The following BEND2 variants were observed in gnomAD, a reference collection of about 807,000 sequenced individuals.
The protein encoded by BEND2 is BEN domain-containing protein 2.
Under a neutral mutation model 43.8 loss-of-function variants are expected in BEND2, and 19 were observed. The observed-to-expected ratio is 0.43, with a 90% confidence interval of 0.30 to 0.64. The LOEUF (loss-of-function observed/expected upper bound fraction) is 0.64, where lower values mean the gene tolerates loss of function less well. BEND2 is among the 30% of genes least tolerant of loss of function. BEND2 has a pLI of 0.11. For synonymous variants in BEND2, 226 were observed against 210.1 expected (o/e 1.08, Z -0.66); for missense variants, 544 against 574.0 (o/e 0.95, Z 0.53).
chrX:18,174,279 A>G (rs1377367333), intron 11 of BEND2, 21 bp from the exon 12 acceptor site: 1 of 1,176,312 alleles, frequency 8.5e-7, no homozygotes, highest in Admixed American at 2.2e-5. Flanking sequence ...ACAAAATCAT[A>G]TCCGTAAACA....
At chrX:18,170,794 A>T (rs1923948050) in intron 13 of BEND2, 2 of 370,821 alleles carry the variant, frequency 5.4e-6, no homozygotes, top group South Asian at 2.8e-4. Context: ...AAGCCATTCA[A>T]GACAGAGCAA....
Position 18,177,558 on chromosome X carries a change from T to C in BEND2, c.1630+11A>G. The C allele has an allele frequency of 8.3e-7, 1 of 1,199,703 alleles. No homozygotes were observed. Among genetic ancestry groups the C allele is most frequent in the Non-Finnish European group, 1.1e-6 (1 of 884,771 alleles). On this transcript the variant is annotated intron_variant, in intron 10 of 13. Coordinates refer to ENST00000380033, the MANE Select transcript of BEND2 (RefSeq NM_153346.5). Reference sequence around the variant, plus strand: ...AAAATAAGATTCCATTATCACTTTATGTACACATACCTCTCAATGCAGCCA... The same window carrying C: ...AAAATAAGATTCCATTATCACTTTACGTACACATACCTCTCAATGCAGCCA...
At chrX:18,203,986 G>C in intron 4 of BEND2, 71 bp from the exon 5 acceptor site, 1 of 995,777 alleles carries the variant, frequency 1.0e-6, no homozygotes, top group Non-Finnish European at 1.3e-6. Context: ...TTCTCCATGA[G>C]ACATACAATC....
intron 1 of BEND2, among the ~76,000 whole-genome samples, chrX:18,220,251 A>T (rs1463273908): frequency 8.9e-6 from 1 of 112,433 alleles, no homozygotes; most frequent in Non-Finnish European, 1.9e-5. Context: ...GGGAAAACCA[A>T]TAAATTCAAG....
intron 1 of BEND2, 133 bp downstream of exon 1, chrX:18,220,593 C>T (rs1569130005): frequency 4.2e-6 from 4 of 945,841 alleles, no homozygotes; most frequent in Middle Eastern, 2.7e-4. Flanking sequence ...CCAGAGGCCG[C>T]CCCCCGACAC....
At position 18,163,299 on chromosome X, in the gene BEND2, C is replaced by T. The variant is rs1485520677; in HGVS notation, c.*1710G>A. ...TCAAGCCATGGGAACCACTTTTAAA[C>T]ACTTTTTTTTATAAATAAGAGGCAT... On this transcript the variant is annotated 3_prime_UTR_variant, in exon 14 of 14. Coordinates refer to ENST00000380033, the MANE Select transcript of BEND2 (RefSeq NM_153346.5). 9.0e-6 allele frequency: 1 copy of T among 111,182 alleles called. No individual in the cohort carries two copies. Among genetic ancestry groups the T allele is most frequent in the African/African-American group, 3.3e-5 (1 of 30,463 alleles). The allele number at this position is 111,182 out of a possible 1,213,427, so 9.2% of individuals were successfully genotyped here.
At chrX:18,213,419 T>C (rs887982939) in intron 3 of BEND2, among the ~76,000 whole-genome samples, 2 of 111,463 alleles carry the variant, frequency 1.8e-5, no homozygotes, top group African/African-American at 6.5e-5. Context: ...ACTTAAACCT[T>C]CCTGAGCCAG....
chrX:18,182,939 G>A (rs1924438318), intron 8 of BEND2, among the ~76,000 whole-genome samples: 1 of 107,763 alleles, frequency 9.3e-6, no homozygotes, highest in Non-Finnish European at 1.9e-5. Context: ...CTACTCAGGA[G>A]GCTGAGGTGC....
intron 8 of BEND2, among the ~76,000 whole-genome samples, chrX:18,182,885 T>C (rs1924435378): frequency 9.2e-6 from 1 of 108,782 alleles, no homozygotes; most frequent in Non-Finnish European, 1.9e-5. Context: ...CTACTAAAAA[T>C]ACAAAAATTA....
At chrX:18,203,355 T>C in intron 5 of BEND2, 146 bp downstream of exon 5, 3 of 694,651 alleles carry the variant, frequency 4.3e-6, no homozygotes, top group Non-Finnish European at 6.3e-6. Context: ...TCTCTCTGTA[T>C]TATTTCTTAC....
At position 18,212,613 on chromosome X, in the gene BEND2, G is replaced by C. The variant is rs1569127870; in HGVS notation, c.444C>G (p.Asn148Lys). The C allele has an allele frequency of 5.0e-6, 6 of 1,209,600 alleles. No individual in the cohort carries two copies. The highest frequency in any genetic ancestry group is 6.7e-6 in the Non-Finnish European group (6 of 893,709). Residue 148 changes from asparagine to lysine, a missense_variant, in exon 4 of 14, where the codon AAC becomes AAG. Physicochemically the swap from Asn to Lys is moderately conservative, Grantham distance 94 (BLOSUM62 0). Around this residue, in one of 2 missense-constraint regions of BEND2, gnomAD observed 501 missense variants for 501.6 expected, o/e 1.00. Coordinates refer to ENST00000380033, the MANE Select transcript of BEND2 (RefSeq NM_153346.5). ...TTTTTGGAAAATCCACTTCCTCTGAGTTGTAACTGTATCTTCTTAAATGTA... is the reference window on the plus strand; with the variant it reads ...TTTTTGGAAAATCCACTTCCTCTGACTTGTAACTGTATCTTCTTAAATGTA... Reference protein sequence around the residue: ...HPVHLRRYSYNSEEVDFPKRG... With the variant: ...HPVHLRRYSYKSEEVDFPKRG...
Position 18,203,623 on chromosome X carries a change from A to G in BEND2, c.785T>C (p.Leu262Pro), listed in dbSNP as rs1305625239. The G allele has an allele frequency of 7.4e-6, 9 of 1,209,798 alleles. No homozygotes were observed. Among genetic ancestry groups the G allele is most frequent in the African/African-American group, 1.7e-5 (1 of 57,207 alleles). ...TGCCAGACTGGATTCTCTTCGTGAC[A>G]GAACTGCCATAGGTACTGCTGTAGT... The part of the protein sequence containing the change: ...NATTAVPMAV[L>P]SRRESSLANN... The change falls in exon 5 of 14, where the codon CTG becomes CCG. Residue 262 changes from leucine to proline, a missense_variant. This residue lies in a region of BEND2 where 501 missense variants were observed against 501.6 expected (regional missense o/e 1.00). Transcript: ENST00000380033.
chrX:18,217,987 T>G (rs1464774948), intron 1 of BEND2, among the ~76,000 whole-genome samples: 1 of 108,920 alleles, frequency 9.2e-6, no homozygotes, highest in Non-Finnish European at 1.9e-5. Context: ...GTGCCTGTAG[T>G]CCCAGCTACT....
intron 1 of BEND2, 143 bp downstream of exon 1, chrX:18,220,583 C>G: frequency 2.2e-6 from 2 of 889,362 alleles, no homozygotes; most frequent in African/African-American, 3.9e-5. Context: ...TGGCCAATAC[C>G]CAGAGGCCGC....
chrX:18,165,349 T>A (rs1194758805), intron 13 of BEND2, 126 bp from the exon 14 acceptor site: 1 of 520,279 alleles, frequency 1.9e-6, no homozygotes, highest in African/African-American at 2.4e-5. Context: ...TAAACACACA[T>A]AGGCTATAAT....
chrX:18,184,521 T>C (rs1288559289), intron 8 of BEND2, among the ~76,000 whole-genome samples: 1 of 111,602 alleles, frequency 9.0e-6, no homozygotes, highest in African/African-American at 3.3e-5. Context: ...ATCCAGAGAA[T>C]TCTTCTGGAT....
chrX:18,176,444 C>A (rs182158611), intron 10 of BEND2, among the ~76,000 whole-genome samples: 1 of 106,406 alleles, frequency 9.4e-6, no homozygotes, highest in South Asian at 4.3e-4. Context: ...TTTGGGAGGT[C>A]GAGGCAGGAG....
intron 12 of BEND2, 68 bp from the exon 13 acceptor site, chrX:18,171,272 G>T: frequency 9.5e-7 from 1 of 1,057,075 alleles, no homozygotes. Flanking sequence ...TTTAAAAGCT[G>T]AAACAGAAAC....
chrX:18,170,259 A>C (rs982556494), intron 13 of BEND2, among the ~76,000 whole-genome samples: 1 of 112,453 alleles, frequency 8.9e-6, no homozygotes, highest in Non-Finnish European at 1.9e-5. Flanking sequence ...ACACTCACAC[A>C]GAGGCATGTA....
Sources: gnomAD v4.1 joint callset for allele counts (sites outside exome capture counted in the v4.1 genomes callset) on GRCh38, gnomAD v4.1.1 for gene constraint, gnomAD v4.1.1 regional missense constraint, MANE v1.5 for transcripts, NCBI Gene and HGNC (gene_info 2026-07-23, HGNC 2026-07-21) for gene names.